TMEM117: variants seen among roughly 807,000 people sequenced by gnomAD.
The protein encoded by TMEM117 is transmembrane protein 117.
Under a neutral mutation model 52.4 loss-of-function variants are expected in TMEM117, and 27 were observed. The observed-to-expected ratio is 0.51, with a 90% CI of 0.38 to 0.71. TMEM117 has a LOEUF of 0.71. Among genes scored for constraint, TMEM117 ranks in the 30% least tolerant of loss-of-function variants. TMEM117 has a pLI of 0.00. For synonymous variants in TMEM117, 215 were observed against 206.3 expected (o/e 1.04, Z -0.36); for missense variants, 556 against 630.5 (o/e 0.88, Z 1.26).
intron 7 of TMEM117, 73 bp from the exon 8 acceptor site, chr12:44,387,953 T>A (rs1952112957): frequency 7.6e-7 from 1 of 1,315,204 alleles, no homozygotes; most frequent in South Asian, 1.4e-5. Flanking sequence ...ACCATTATCC[T>A]CATTTTATTG....
intron 4 of TMEM117, among the ~76,000 whole-genome samples, chr12:44,154,815 AAGC>A (rs1565851893): frequency 6.6e-6 from 1 of 151,594 alleles, no homozygotes; most frequent in African/African-American, 2.4e-5. Flanking sequence ...TAAAAAAAAT[AAGC>A]AGAATATTCC....
chr12:44,097,869 A>G (rs1045982050), intron 3 of TMEM117, among the ~76,000 whole-genome samples: 1 of 152,060 alleles, frequency 6.6e-6, no homozygotes, highest in African/African-American at 2.4e-5. Context: ...TAATAATAAA[A>G]TAAAATAAAA....
chr12:44,315,490 C>T (rs1951042615), intron 6 of TMEM117, among the ~76,000 whole-genome samples: 1 of 152,120 alleles, frequency 6.6e-6, no homozygotes, highest in African/African-American at 2.4e-5. Flanking sequence ...TACTTTCTGC[C>T]TTAAATTCAT....
At chr12:44,332,841 G>A (rs56380149) in intron 6 of TMEM117, among the ~76,000 whole-genome samples, 7,887 of 151,730 alleles carry the variant, frequency 0.052, 666 homozygotes, top group African/African-American at 0.18. Context: ...TTCATAGTAA[G>A]TATAATTCTC....
chr12:43,807,063 TC>T, the TMEM117 span, among the ~76,000 whole-genome samples: 1 of 152,218 alleles, frequency 6.6e-6, no homozygotes, highest in East Asian at 1.9e-4. Flanking sequence ...AAAAATCTTT[TC>T]CTTTCCTGCT....
chr12:44,207,154 A>T (rs562568061), intron 4 of TMEM117, among the ~76,000 whole-genome samples: 8 of 152,316 alleles, frequency 5.3e-5, no homozygotes, highest in African/African-American at 1.9e-4. Context: ...ATGCTTGTTT[A>T]TTGATAGAAT....
At chr12:43,817,684 A>G in the TMEM117 span, among the ~76,000 whole-genome samples, 1 of 152,194 alleles carries the variant, frequency 6.6e-6, no homozygotes, top group Non-Finnish European at 1.5e-5. Flanking sequence ...CTGAAGGTAC[A>G]CTTTATTAGA....
At chr12:43,923,471 T>C (rs559469240) in intron 2 of TMEM117, among the ~76,000 whole-genome samples, 22 of 152,338 alleles carry the variant, frequency 1.4e-4, no homozygotes, top group Non-Finnish European at 1.5e-4. Flanking sequence ...TTTTATCTTA[T>C]GTGTTAATGA....
chr12:43,902,686 A>G (rs549279322), intron 2 of TMEM117, among the ~76,000 whole-genome samples: 2 of 152,318 alleles, frequency 1.3e-5, no homozygotes, highest in South Asian at 4.1e-4. Flanking sequence ...GGGATACATG[A>G]TGACCCAGAG....
At chr12:43,922,533 C>A (rs1484260562) in intron 2 of TMEM117, among the ~76,000 whole-genome samples, 1 of 152,152 alleles carries the variant, frequency 6.6e-6, no homozygotes, top group Non-Finnish European at 1.5e-5. Flanking sequence ...TTTATGTTAG[C>A]ATGACTTAGC....
intron 3 of TMEM117, among the ~76,000 whole-genome samples, chr12:44,057,126 G>T (rs1032979548): frequency 2.0e-5 from 3 of 152,176 alleles, no homozygotes; most frequent in African/African-American, 4.8e-5. Flanking sequence ...TTACTTTGAG[G>T]TGTTGAATCT....
At chr12:44,169,894 C>A (rs1278370887) in intron 4 of TMEM117, among the ~76,000 whole-genome samples, 1 of 152,096 alleles carries the variant, frequency 6.6e-6, no homozygotes, top group Non-Finnish European at 1.5e-5. Context: ...GGCCATTCCT[C>A]AAGGATCTAG....
intron 3 of TMEM117, among the ~76,000 whole-genome samples, chr12:44,021,363 A>G (rs762852813): frequency 7.9e-5 from 12 of 152,038 alleles, no homozygotes; most frequent in African/African-American, 1.2e-4. Context: ...AGAACGTGCG[A>G]TCTGGCTTTC....
At chr12:44,029,365 A>G (rs1288946642) in intron 3 of TMEM117, among the ~76,000 whole-genome samples, 1 of 152,138 alleles carries the variant, frequency 6.6e-6, no homozygotes, top group Non-Finnish European at 1.5e-5. Flanking sequence ...GCTTATGACT[A>G]TGGTAAGCCT....
At chr12:43,868,208 G>A (rs937936377) in intron 2 of TMEM117, among the ~76,000 whole-genome samples, 4 of 13,508 alleles carry the variant, frequency 3.0e-4, no homozygotes, top group South Asian at 2.3e-3. Flanking sequence ...CCCGCCCCCC[G>A]CCAATTCTCT....
the TMEM117 span, among the ~76,000 whole-genome samples, chr12:43,826,963 C>T: frequency 2.0e-5 from 3 of 151,544 alleles, no homozygotes; most frequent in African/African-American, 7.3e-5. Context: ...ACCAAAATAC[C>T]CTTTTGACAT....
intron 6 of TMEM117, among the ~76,000 whole-genome samples, chr12:44,305,599 A>G (rs1312874287): frequency 6.6e-6 from 1 of 152,224 alleles, no homozygotes; most frequent in Non-Finnish European, 1.5e-5. Flanking sequence ...TCAAAACTGA[A>G]TGACATACCA....
intron 3 of TMEM117, among the ~76,000 whole-genome samples, chr12:43,989,271 G>A (rs1261447564): frequency 1.3e-5 from 2 of 152,018 alleles, no homozygotes; most frequent in African/African-American, 2.4e-5. Context: ...CCTCTTGGGC[G>A]TATGTTTATA....
intron 2 of TMEM117, among the ~76,000 whole-genome samples, chr12:43,871,177 T>C (rs966589348): frequency 6.7e-6 from 1 of 148,852 alleles, no homozygotes; most frequent in African/African-American, 2.5e-5. Flanking sequence ...ATCTCAGCTC[T>C]CTGCAACCTC....
Sources: allele counts gnomAD v4.1 joint callset (sites outside exome capture counted in the v4.1 genomes callset), GRCh38; gene constraint gnomAD v4.1.1; transcripts MANE v1.5; gene names NCBI Gene and HGNC (gene_info 2026-07-23, HGNC 2026-07-21).